Variants in TTN observed in about 807,000 individuals in gnomAD.
The protein encoded by TTN is connectin.
In TTN, 1,525 loss-of-function variants were observed where a neutral mutation model predicts 3,223.0. That is an observed-to-expected ratio of 0.47 (90% CI 0.45 to 0.49). The LOEUF is 0.49. TTN is among the 20% of genes least tolerant of loss of function. The pLI, the probability that TTN is intolerant of heterozygous loss-of-function variation, is 0.00. For missense variants in TTN, 40,786 were observed against 43,424.0 expected (o/e 0.94, Z 5.40); for synonymous variants, 14,094 against 15,161.0 (o/e 0.93, Z 5.17).
intron 168 of TTN, 113 bp downstream of exon 168, chr2:178,664,347 C>A: frequency 1.1e-6 from 1 of 894,326 alleles, no homozygotes; most frequent in South Asian, 1.7e-5. Context: ...TTGCAAGAGT[C>A]AACACAGACA....
chr2:178,545,783 T>A (rs1382783788), intron 343 of TTN, 37 bp downstream of exon 343: 2 of 1,602,974 alleles, frequency 1.2e-6, no homozygotes. Context: ...TCTATTACAT[T>A]TCAACTGTCA....
In TTN at chr2:178,647,449, T is replaced by C; in HGVS notation, c.40073A>G (p.Glu13358Gly). ...VLPEKVPKVPEKIIPEKEVSV... is the reference protein window; with the variant it reads ...VLPEKVPKVPGKIIPEKEVSV... ...CACTTCCTTTTCTGGGATGATTTTC[T>C]CAGGCACTTTGGGCACTTTAAAGAT... Residue 13358 changes from glutamate (E) to glycine (G), a missense_variant, in exon 214 of 363, where the codon GAG (glutamate) becomes GGG (glycine). Coordinates refer to ENST00000589042, the MANE Select transcript of TTN (RefSeq NM_001267550.2). 2 of 1,549,714 alleles carry C rather than the reference T, an allele frequency of 1.3e-6. No homozygotes were observed. Among genetic ancestry groups the C allele is most frequent in the Non-Finnish European group, 1.7e-6 (2 of 1,146,408 alleles).
rs878882035 is a variant in TTN, at chr2:178,536,453, G to A, written c.100294C>T (p.Arg33432Cys). 1.2e-6 allele frequency: 2 copies of A among 1,609,624 alleles called. No individual in the cohort carries two copies. Among genetic ancestry groups the A allele is most frequent in the South Asian group, 1.1e-5 (1 of 90,510 alleles). Residue 33432 changes from arginine to cysteine, a missense_variant, in exon 357 of 363, where the codon CGT (arginine) becomes TGT (cysteine). Arg to Cys is a radical substitution (Grantham distance 180). Coordinates refer to ENST00000589042, the MANE Select transcript of TTN (RefSeq NM_001267550.2). The part of the protein sequence containing the change: ...AKIRNYYLEK[R>C]EKKQNKWISV... Reference sequence around the variant, plus strand: ...ATCCATTTATTCTGCTTCTTCTCACGCTTCTCAAGGTAGTAATTTCTAATC... The same window carrying A: ...ATCCATTTATTCTGCTTCTTCTCACACTTCTCAAGGTAGTAATTTCTAATC...
In TTN at chr2:178,592,164, C is replaced by T. The variant is rs1663045607; in HGVS notation, c.59740G>A (p.Val19914Ile). Residue 19914 changes from valine to isoleucine, a missense_variant, in exon 302 of 363, where the codon GTT (valine) becomes ATT (isoleucine). Coordinates refer to ENST00000589042, the MANE Select transcript of TTN (RefSeq NM_001267550.2). The stretch of plus-strand genomic sequence containing the variant: ...GCGCTGGCAACATCTCTCCTCTCAA[C>T]CACATAATTGGTAATAACAGAACCA... ...DGGSVITNYV[V>I]ERRDVASAQW... The T allele has an allele frequency of 4.3e-6, 7 of 1,612,762 alleles. No individual in the cohort carries two copies. In the African/African-American group the frequency reaches 6.7e-5, roughly 15 times the overall value.
In TTN at chr2:178,711,354, A is replaced by G; in HGVS notation, c.27887-5T>C. The G allele has an allele frequency of 6.3e-7, 1 of 1,591,530 alleles. No individual in the cohort carries two copies. The highest frequency in any genetic ancestry group is 8.6e-7 in the Non-Finnish European group (1 of 1,168,618). On this transcript the variant is annotated splice_polypyrimidine_tract_variant and splice_region_variant and intron_variant, in intron 96 of 362. Transcript: ENST00000589042. ...ATGATGGTGGAAGTTTTTGCTCTGT[A>G]GGAACAGAATAAAAGTAACAAATAC...
At chr2:178,701,937 C>A in intron 109 of TTN, 103 bp downstream of exon 109, 1 of 1,173,576 alleles carries the variant, frequency 8.5e-7, no homozygotes, top group South Asian at 1.4e-5. Flanking sequence ...ATATTTTACC[C>A]AAAAGAGAAA....
Position 178,554,472 on chromosome 2 carries a change from A to G in TTN, c.88875T>C (p.Val29625=). Residue 29625 remains valine, a synonymous_variant, in exon 332 of 363, where the codon GTT becomes GTC. Coordinates refer to ENST00000589042, the MANE Select transcript of TTN (RefSeq NM_001267550.2). ...GIGEPLESDS[V]VAKNAFVTPG... ...TCTCACCAAATGCGTTCTTGGCTACAACGGAATCAGATTCCAGTGGCTCGC... is the reference window on the plus strand; with the variant it reads ...TCTCACCAAATGCGTTCTTGGCTACGACGGAATCAGATTCCAGTGGCTCGC... 2 of 1,613,486 alleles carry G rather than the reference A, an allele frequency of 1.2e-6. No homozygotes were observed. Among genetic ancestry groups the G allele is most frequent in the Non-Finnish European group, 1.7e-6 (2 of 1,179,702 alleles).
intron 294 of TTN, among the ~76,000 whole-genome samples, chr2:178,596,031 C>G (rs1268802172): frequency 6.9e-6 from 1 of 144,626 alleles, no homozygotes; most frequent in African/African-American, 2.6e-5. Context: ...CGCTCTGTCA[C>G]CCAGGCTGGA....
rs192874160 is a variant in TTN at position 178,784,843 on chromosome 2, A to G, written c.2494-492T>C. Among the ~76,000 whole-genome samples the G allele has an allele frequency of 3.0e-3, 450 of 152,354 alleles. 5 individuals carry two copies. Among genetic ancestry groups the G allele is most frequent in the African/African-American group, 0.01 (420 of 41,578 alleles). The stretch of plus-strand genomic sequence containing the variant: ...GAAAAAATATTTTAAAGGTTTCCTT[A>G]CTGCTTTTATTCTGTTGTGGTCTAT... On this transcript the variant is annotated intron_variant, in intron 15 of 362. Coordinates refer to ENST00000589042, the MANE Select transcript of TTN (RefSeq NM_001267550.2).
chr2:178,770,914 C>G, intron 34 of TTN: 1 of 792,680 alleles, frequency 1.3e-6, no homozygotes, highest in South Asian at 1.4e-5. Context: ...GTTTGCATAG[C>G]TATGTATTAG....
Position 178,573,604 on chromosome 2 carries a change from T to G in TTN, c.72528A>C (p.Glu24176Asp), listed in dbSNP as rs878854331. The G allele has an allele frequency of 1.3e-6, 2 of 1,498,516 alleles. No individual in the cohort carries two copies. The highest frequency in any genetic ancestry group is 1.8e-6 in the Non-Finnish European group (2 of 1,126,346). The allele number at this position is 1,498,516 out of a possible 1,614,324, so 92.8% of individuals were successfully genotyped here. A position where few individuals can be genotyped will look rare whatever the true frequency, so the allele number is the denominator to read the frequency against. The part of the protein sequence containing the change: ...SRLAWTNVAS[E>D]VQVTKLKVTK... The stretch of plus-strand genomic sequence containing the variant: ...TGACCTTTAGCTTTGTTACTTGGAC[T>G]TCTGAGGCTACATTTGTCCATGCCA... The change falls in exon 326 of 363, where the codon GAA (glutamate) becomes GAC (aspartate). Residue 24176 changes from glutamate to aspartate, a missense_variant. By Grantham distance (45) the Glu-to-Asp change is conservative (BLOSUM62 2). Coordinates refer to ENST00000589042, the MANE Select transcript of TTN (RefSeq NM_001267550.2).
chr2:178,558,393 G>C lies in TTN; in HGVS notation c.87066C>G (p.Gly29022=). 7.4e-6 allele frequency: 12 copies of C among 1,613,684 alleles called. No individual in the cohort carries two copies. Among genetic ancestry groups the C allele is most frequent in the Non-Finnish European group, 9.3e-6 (11 of 1,179,796 alleles). Residue 29022 remains glycine, a synonymous_variant, in exon 327 of 363, where the codon GGC becomes GGG. Transcript: ENST00000589042. ...FFRVFAENQA[G]LSDPRELLLP... is the part of the protein sequence containing the mutation. ...GCAGAAGCTCTCTCGGGTCACTCAG[G>C]CCAGCTTGATTTTCAGCAAACACTC...
At chr2:178,683,741 A>G (rs558826555) in intron 133 of TTN, among the ~76,000 whole-genome samples, 1 of 152,174 alleles carries the variant, frequency 6.6e-6, no homozygotes, top group Non-Finnish European at 1.5e-5. Flanking sequence ...AGTTTAGTAT[A>G]TGGAAAAGAC....
Position 178,676,621 on chromosome 2 carries a change from T to C in TTN, c.34378+580A>G, listed in dbSNP as rs1020479538. The stretch of plus-strand genomic sequence containing the variant: ...GAGCCCATTAAGACTGATATTAGCA[T>C]CCCCAATTTACAGGAAAATAACTTC... On this transcript the variant is annotated intron_variant, in intron 147 of 362. Transcript: ENST00000589042. 3.3e-5 allele frequency among the ~76,000 whole-genome samples: 5 copies of C among 151,734 alleles called. 1 individual carries two copies. Among genetic ancestry groups the C allele is most frequent in the Admixed American group, 3.3e-4 (5 of 15,180 alleles).
chr2:178,797,523 G>A (rs539807688), intron 6 of TTN, among the ~76,000 whole-genome samples: 20 of 151,654 alleles, frequency 1.3e-4, no homozygotes, highest in South Asian at 2.1e-4. Flanking sequence ...GTTATTTGTC[G>A]TAAGTGTTGC....
At position 178,574,826 on chromosome 2, in the gene TTN, G is replaced by C. The variant is rs768827279; in HGVS notation, c.71306C>G (p.Thr23769Ser). The C allele has an allele frequency of 1.9e-6, 3 of 1,612,988 alleles. No homozygotes were observed. In the South Asian group the frequency reaches 3.3e-5, roughly 18 times the overall value. Residue 23769 changes from threonine to serine, a missense_variant, in exon 326 of 363, where the codon ACT (threonine) becomes AGT (serine). Thr to Ser is a moderately conservative substitution (Grantham distance 58). Transcript: ENST00000589042. The stretch of plus-strand genomic sequence containing the variant: ...TAACTCAACCCAGGTAGTACTGTCA[G>C]TCTGCCGCATTTCCACTACATAGTT... ...ISNYVVEMRQ[T>S]DSTTWVELAT...
intron 130 of TTN, 74 bp from the exon 131 acceptor site, chr2:178,684,823 G>A: frequency 1.9e-6 from 3 of 1,551,802 alleles, no homozygotes; most frequent in East Asian, 2.2e-5. Flanking sequence ...TTATTTTCTG[G>A]TTAATGTTTA....
In TTN at chr2:178,538,525, C is replaced by A. The variant is rs796187661; in HGVS notation, c.99289+15G>T. ...TAGTTTGTAAATCATAAGTAGAGAA[C>A]CAAAGGCTACTTACATGTGAGTTTA... On this transcript the variant is annotated intron_variant, in intron 354 of 362. Transcript: ENST00000589042. The A allele has an allele frequency of 3.8e-6, 6 of 1,594,360 alleles. No individual in the cohort carries two copies. The highest frequency in any genetic ancestry group is 4.5e-5 in the East Asian group (2 of 44,690).
chr2:178,534,444 C>G lies in TTN; in HGVS notation c.102171G>C (p.Glu34057Asp), dbSNP rs767376871. ...CCGATGCTGTCATGCGAGATTTCCT[C>G]TCTTTCACTAACAACCGGTCAACAA... ...MDFVDRLLVK[E>D]RKSRMTASEA... The change falls in exon 358 of 363, where the codon GAG (glutamate) becomes GAC (aspartate). Residue 34057 changes from glutamate (E) to aspartate (D), a missense_variant. By Grantham distance (45) the Glu-to-Asp change is conservative. Transcript: ENST00000589042. The G allele has an allele frequency of 6.2e-7, 1 of 1,612,888 alleles. No homozygotes were observed. The highest frequency in any genetic ancestry group is 1.3e-5 in the African/African-American group (1 of 74,938).
Sources: allele counts gnomAD v4.1 joint callset (sites outside exome capture counted in the v4.1 genomes callset), GRCh38; gene constraint gnomAD v4.1.1; transcripts MANE v1.5; gene names NCBI Gene and HGNC (gene_info 2026-07-23, HGNC 2026-07-21).